The following NR6A1 variants were observed in gnomAD, a reference collection of about 807,000 sequenced individuals.
The protein encoded by NR6A1 is nuclear receptor subfamily 6 group A member 1, also known as retinoic acid receptor-related testis-associated receptor.
A neutral mutation model predicts 59.1 loss-of-function variants in NR6A1; 7 were observed. That is an observed-to-expected ratio of 0.12 (90% CI 0.07 to 0.22). The LOEUF is 0.22. NR6A1 is among the 10% of genes least tolerant of loss of function. The probability of loss-of-function intolerance (pLI) is 1.00; values close to 1 mark genes in which losing one functional copy is unlikely to be tolerated. For synonymous variants in NR6A1, 243 were observed against 236.1 expected (o/e 1.03, Z -0.27); for missense variants, 468 against 611.6 (o/e 0.77, Z 2.48).
intron 1 of NR6A1, among the ~76,000 whole-genome samples, chr9:124,765,748 T>G (rs1410712977): frequency 6.6e-6 from 1 of 151,830 alleles, no homozygotes; most frequent in African/African-American, 2.4e-5. Context: ...CTGTAACCAC[T>G]GAAAAAACTC....
At chr9:124,573,285 C>A (rs551708784) in intron 2 of NR6A1, among the ~76,000 whole-genome samples, 5 of 152,282 alleles carry the variant, frequency 3.3e-5, no homozygotes, top group African/African-American at 1.2e-4. Context: ...TGCTTCAGTG[C>A]TTAAAGGGGT....
intron 2 of NR6A1, chr9:124,595,732 C>T: frequency 1.6e-6 from 2 of 1,235,756 alleles, no homozygotes; most frequent in East Asian, 5.6e-5. Context: ...AGATTTGGGC[C>T]CCAGACTGTT....
intron 2 of NR6A1, among the ~76,000 whole-genome samples, chr9:124,715,066 T>C (rs1345274503): frequency 6.6e-6 from 1 of 151,966 alleles, no homozygotes; most frequent in Non-Finnish European, 1.5e-5. Flanking sequence ...GGCATGGTGG[T>C]GCACACCTGT....
chr9:124,524,549 G>A (rs1032484895), intron 9 of NR6A1, among the ~76,000 whole-genome samples, 172 bp downstream of exon 9: 2 of 152,258 alleles, frequency 1.3e-5, no homozygotes, highest in Non-Finnish European at 2.9e-5. Flanking sequence ...CTTCTCTATG[G>A]AGAATGCAAG....
intron 1 of NR6A1, among the ~76,000 whole-genome samples, chr9:124,770,460 T>C (rs1158124498): frequency 6.7e-6 from 1 of 150,062 alleles, no homozygotes; most frequent in Non-Finnish European, 1.5e-5. Flanking sequence ...TCTAGAAAGC[T>C]GAGCGGTACA....
At chr9:124,568,823 T>A (rs1419775436) in intron 2 of NR6A1, among the ~76,000 whole-genome samples, 1 of 151,744 alleles carries the variant, frequency 6.6e-6, no homozygotes, top group East Asian at 1.9e-4. Flanking sequence ...GTATCAAGAC[T>A]GAGCCTCAGG....
chr9:124,538,212 T>C lies in NR6A1; in HGVS notation c.704A>G (p.His235Arg). Residue 235 changes from histidine to arginine, a missense_variant, in exon 6 of 10, where the codon CAC (histidine) becomes CGC (arginine). Physicochemically the swap from His to Arg is conservative, Grantham distance 29. Coordinates refer to ENST00000487099, the MANE Select transcript of NR6A1 (RefSeq NM_033334.4). ...YIPHLFSYSG[H>R]SPLLPQQARS... ...AGCTTGTTGGGGCAGAAGTGGTGAGTGGCCAGAATAGCTAAAAAGGTGCGG... is the reference window on the plus strand; with the variant it reads ...AGCTTGTTGGGGCAGAAGTGGTGAGCGGCCAGAATAGCTAAAAAGGTGCGG... 14 of 1,614,014 alleles carry C rather than the reference T, an allele frequency of 8.7e-6. No homozygotes were observed. The highest frequency in any genetic ancestry group is 1.2e-5 in the Non-Finnish European group (14 of 1,179,988).
chr9:124,644,448 C>T lies in NR6A1; in HGVS notation c.142+88860G>A, dbSNP rs572535237. ...TGTATTTTTAGTAGAGACAGGGTTTCACCATGTTGGCCAGGCTGGTCTCGA... is the reference window on the plus strand; with the variant it reads ...TGTATTTTTAGTAGAGACAGGGTTTTACCATGTTGGCCAGGCTGGTCTCGA... On this transcript the variant is annotated intron_variant, in intron 2 of 9. Transcript: ENST00000487099. Among the ~76,000 whole-genome samples the T allele has an allele frequency of 2.9e-3, 438 of 152,028 alleles. 4 individuals carry two copies. Among genetic ancestry groups the T allele is most frequent in the African/African-American group, 0.01 (432 of 41,454 alleles).
intron 1 of NR6A1, among the ~76,000 whole-genome samples, chr9:124,765,035 G>A (rs1840891174): frequency 6.6e-6 from 1 of 152,178 alleles, no homozygotes; most frequent in Non-Finnish European, 1.5e-5. Flanking sequence ...CTTCTCTGGT[G>A]TAAACAAATT....
At chr9:124,748,432 C>T (rs1840396922) in intron 1 of NR6A1, among the ~76,000 whole-genome samples, 1 of 152,144 alleles carries the variant, frequency 6.6e-6, no homozygotes, top group Non-Finnish European at 1.5e-5. Flanking sequence ...TTCCTAATCT[C>T]TTCCATCCCA....
intron 2 of NR6A1, among the ~76,000 whole-genome samples, chr9:124,617,351 A>G (rs1835926722): frequency 6.6e-6 from 1 of 152,186 alleles, no homozygotes; most frequent in Admixed American, 6.5e-5. Context: ...GTTTTGTGGT[A>G]AATATTTTCA....
At position 124,524,868 on chromosome 9, in the gene NR6A1, T is replaced by C. The variant is rs146953746; in HGVS notation, c.1207A>G (p.Arg403Gly). The change falls in exon 9 of 10, where the codon AGG becomes GGG. Residue 403 changes from arginine (R) to glycine (G), a missense_variant. Physicochemically the swap from Arg to Gly is moderately radical, Grantham distance 125 (BLOSUM62 -2). Coordinates refer to ENST00000487099, the MANE Select transcript of NR6A1 (RefSeq NM_033334.4). ...KAINFLNQDIRGLTSASQLEQ... is the reference protein window; with the variant it reads ...KAINFLNQDIGGLTSASQLEQ... ...AGCTGTGAGGCACTGGTCAGACCCC[T>C]GATATCTGTGGAAAAAAAAAAAACA... 242 of 1,597,620 alleles carry C rather than the reference T, an allele frequency of 1.5e-4. No individual in the cohort carries two copies. In the East Asian group the frequency reaches 5.1e-3, roughly 34 times the overall value.
intron 1 of NR6A1, among the ~76,000 whole-genome samples, chr9:124,742,851 G>C (rs1006986748): frequency 2.6e-5 from 4 of 152,170 alleles, no homozygotes; most frequent in Non-Finnish European, 1.5e-5. Context: ...ACTCCAGCCT[G>C]GATGACAGAG....
At chr9:124,630,918 C>T (rs55868208) in intron 2 of NR6A1, among the ~76,000 whole-genome samples, 1 of 152,138 alleles carries the variant, frequency 6.6e-6, no homozygotes, top group East Asian at 1.9e-4. Flanking sequence ...GGTGATCCAC[C>T]TGCCTTGGCC....
At chr9:124,708,295 G>A (rs1047035403) in intron 2 of NR6A1, among the ~76,000 whole-genome samples, 5 of 152,174 alleles carry the variant, frequency 3.3e-5, no homozygotes, top group African/African-American at 7.2e-5. Flanking sequence ...CCCCACCCTG[G>A]TTGAACTACT....
intron 7 of NR6A1, among the ~76,000 whole-genome samples, chr9:124,532,594 A>T (rs1833132829): frequency 6.6e-6 from 1 of 152,242 alleles, no homozygotes; most frequent in African/African-American, 2.4e-5. Context: ...CCATGGAATC[A>T]GAACTAACAT....
chr9:124,739,858 G>A (rs2131144577), intron 1 of NR6A1, among the ~76,000 whole-genome samples: 1 of 152,332 alleles, frequency 6.6e-6, no homozygotes, highest in East Asian at 1.9e-4. Context: ...CAATGTTTTA[G>A]TTTGACTGTA....
intron 2 of NR6A1, among the ~76,000 whole-genome samples, chr9:124,589,966 G>A (rs1405161517): frequency 6.8e-6 from 1 of 146,154 alleles, no homozygotes; most frequent in Non-Finnish European, 1.5e-5. Context: ...TCAGGAGATT[G>A]AGGCAGGAGA....
chr9:124,640,078 T>C (rs1191164173), intron 2 of NR6A1, among the ~76,000 whole-genome samples: 2 of 152,176 alleles, frequency 1.3e-5, no homozygotes, highest in African/African-American at 4.8e-5. Flanking sequence ...AAAAAACATA[T>C]GGAAGCGCTG....
Sources: allele counts gnomAD v4.1 joint callset (sites outside exome capture counted in the v4.1 genomes callset), GRCh38; gene constraint gnomAD v4.1.1; transcripts MANE v1.5; gene names NCBI Gene and HGNC (gene_info 2026-07-23, HGNC 2026-07-21).